Variants in DCUN1D3 observed in about 807,000 individuals in gnomAD.
DCUN1D3 encodes the protein DCN1-like protein 3.
In DCUN1D3, 6 loss-of-function variants were observed where a neutral mutation model predicts 24.8. The ratio of observed to expected loss-of-function variants is 0.24; its 90% CI spans 0.13 to 0.48. The LOEUF is 0.48. DCUN1D3 is among the 20% of genes least tolerant of loss of function. DCUN1D3 has a pLI of 0.99. For synonymous variants in DCUN1D3, 120 were observed against 144.9 expected (o/e 0.83, Z 1.24); for missense variants, 258 against 379.4 (o/e 0.68, Z 2.66).
rs908297306 is a variant in DCUN1D3 at position 20,858,305 on chromosome 16, C to T, written c.*1581G>A. 2.0e-5 allele frequency: 3 copies of T among 152,564 alleles called. No individual in the cohort carries two copies. Among genetic ancestry groups the T allele is most frequent in the Non-Finnish European group, 2.9e-5 (2 of 68,038 alleles). 9.5% of individuals were successfully genotyped at this position (152,564 alleles called of 1,614,324 possible). A position where few individuals can be genotyped will look rare whatever the true frequency, so the allele number is the denominator to read the frequency against. On this transcript the variant is annotated 3_prime_UTR_variant, in exon 3 of 3. Transcript: ENST00000324344. ...AAAGCTGGCCTTTATGGAGCCAGCG[C>T]GTGGAGAAGTCTGGGGAACCGGGGC...
chr16:20,864,952 G>C (rs912260455), intron 1 of DCUN1D3, among the ~76,000 whole-genome samples: 2 of 152,120 alleles, frequency 1.3e-5, no homozygotes, highest in Admixed American at 6.6e-5. Flanking sequence ...TGAATACAAA[G>C]AAGGAAACAA....
chr16:20,870,072 C>T (rs1054777281), intron 1 of DCUN1D3, among the ~76,000 whole-genome samples: 2 of 152,196 alleles, frequency 1.3e-5, no homozygotes, highest in African/African-American at 4.8e-5. Context: ...TCCTCCTGAG[C>T]AATGTGCACT....
intron 1 of DCUN1D3, among the ~76,000 whole-genome samples, chr16:20,865,043 G>A (rs1001999736): frequency 6.6e-6 from 1 of 152,006 alleles, no homozygotes; most frequent in Non-Finnish European, 1.5e-5. Context: ...ACTGGGCTCT[G>A]GACTTAACAC....
intron 1 of DCUN1D3, among the ~76,000 whole-genome samples, chr16:20,879,073 G>A (rs533179525): frequency 6.6e-6 from 1 of 152,176 alleles, no homozygotes; most frequent in African/African-American, 2.4e-5. Flanking sequence ...CAACACCGGT[G>A]ACTTTTCTAG....
chr16:20,877,651 G>C (rs981867619), intron 1 of DCUN1D3, among the ~76,000 whole-genome samples: 3 of 152,156 alleles, frequency 2.0e-5, no homozygotes, highest in Non-Finnish European at 4.4e-5. Flanking sequence ...GAGATGTTTA[G>C]CACTTTCTCA....
At chr16:20,886,654 C>G (rs1035942507) in intron 1 of DCUN1D3, among the ~76,000 whole-genome samples, 3 of 152,226 alleles carry the variant, frequency 2.0e-5, no homozygotes, top group African/African-American at 7.2e-5. Context: ...CACAAACACA[C>G]ACAAAAGTCT....
intron 1 of DCUN1D3, among the ~76,000 whole-genome samples, chr16:20,879,714 G>GATA (rs1199192478): frequency 6.6e-6 from 1 of 152,140 alleles, no homozygotes; most frequent in Non-Finnish European, 1.5e-5. Flanking sequence ...ATACTGTCAT[G>GATA]ATAATAAGAT....
intron 1 of DCUN1D3, among the ~76,000 whole-genome samples, chr16:20,890,613 G>A (rs1293259035): frequency 1.3e-5 from 2 of 151,992 alleles, no homozygotes; most frequent in Non-Finnish European, 2.9e-5. Context: ...TGGGCGACAG[G>A]GCAAGACCCT....
Position 20,859,720 on chromosome 16 carries a change from G to C in DCUN1D3, c.*166C>G. 5.6e-6 allele frequency: 5 copies of C among 898,888 alleles called. No homozygotes were observed. Among genetic ancestry groups the C allele is most frequent in the Non-Finnish European group, 7.8e-6 (5 of 640,738 alleles). 55.7% of individuals were successfully genotyped at this position (898,888 alleles called of 1,614,324 possible). A position where few individuals can be genotyped will look rare whatever the true frequency, so the allele number is the denominator to read the frequency against. On this transcript the variant is annotated 3_prime_UTR_variant, in exon 3 of 3. Transcript: ENST00000324344. ...CAAAATAACCAAAAAAATGAAGAAAGTGCCTAAAACATGATACAGCATTTT... is the reference window on the plus strand; with the variant it reads ...CAAAATAACCAAAAAAATGAAGAAACTGCCTAAAACATGATACAGCATTTT...
At chr16:20,872,936 T>C (rs1296604326) in intron 1 of DCUN1D3, among the ~76,000 whole-genome samples, 1 of 152,074 alleles carries the variant, frequency 6.6e-6, no homozygotes, top group Non-Finnish European at 1.5e-5. Context: ...GCCAACATGG[T>C]GAAACCCCGT....
chr16:20,861,257 C>T (rs1445376720), intron 2 of DCUN1D3, among the ~76,000 whole-genome samples: 8 of 152,194 alleles, frequency 5.3e-5, no homozygotes, highest in African/African-American at 1.9e-4. Flanking sequence ...AGAGGCGTAT[C>T]CCCTCCCCAG....
rs149281300 is a variant in DCUN1D3 at position 20,882,560 on chromosome 16, C to T, written c.-106+17644G>A. 7.7e-3 allele frequency among the ~76,000 whole-genome samples: 1,176 copies of T among 152,274 alleles called. 9 individuals are homozygous for T. The highest frequency in any genetic ancestry group is 0.028 in the African/African-American group (1,145 of 41,554). ...GATTATAGGCGTGAGCCACCATGCC[C>T]GGCCAGCACTGCTATTTTTACAGCA... On this transcript the variant is annotated intron_variant, in intron 1 of 2. Transcript: ENST00000324344.
intron 1 of DCUN1D3, among the ~76,000 whole-genome samples, chr16:20,889,989 G>A (rs200264091): frequency 1.3e-5 from 2 of 152,154 alleles, no homozygotes; most frequent in East Asian, 3.9e-4. Context: ...CCGAAACAAT[G>A]AGGCTGGGAG....
At chr16:20,871,791 G>A (rs2081789650) in intron 1 of DCUN1D3, among the ~76,000 whole-genome samples, 1 of 152,098 alleles carries the variant, frequency 6.6e-6, no homozygotes, top group South Asian at 2.1e-4. Context: ...ATTTTTTGCT[G>A]TCACTATTGA....
chr16:20,897,790 T>C (rs890354152), intron 1 of DCUN1D3, among the ~76,000 whole-genome samples: 1 of 152,148 alleles, frequency 6.6e-6, no homozygotes, highest in Non-Finnish European at 1.5e-5. Flanking sequence ...AGCTTGAAAT[T>C]TATCTGCCAG....
intron 1 of DCUN1D3, among the ~76,000 whole-genome samples, chr16:20,868,000 G>A (rs1186178527): frequency 2.0e-5 from 3 of 152,314 alleles, no homozygotes; most frequent in South Asian, 2.1e-4. Flanking sequence ...TGAATTGCTG[G>A]TTATGCCCAG....
chr16:20,895,252 G>T (rs992894046), intron 1 of DCUN1D3, among the ~76,000 whole-genome samples: 1 of 84,018 alleles, frequency 1.2e-5, no homozygotes, highest in Admixed American at 1.4e-4. Flanking sequence ...GCACCACCAT[G>T]CCTGGCTAAG....
intron 1 of DCUN1D3, among the ~76,000 whole-genome samples, chr16:20,894,191 C>T (rs2152519234): frequency 6.6e-6 from 1 of 152,230 alleles, no homozygotes; most frequent in African/African-American, 2.4e-5. Flanking sequence ...ATCGCTTGAG[C>T]CTGGGAGGTC....
chr16:20,888,487 C>A (rs1329781504), intron 1 of DCUN1D3, among the ~76,000 whole-genome samples: 1 of 152,186 alleles, frequency 6.6e-6, no homozygotes, highest in African/African-American at 2.4e-5. Context: ...TGAGCAGGGT[C>A]TCACTTTGTC....
Sources: gnomAD v4.1 joint callset for allele counts (sites outside exome capture counted in the v4.1 genomes callset) on GRCh38, gnomAD v4.1.1 for gene constraint, MANE v1.5 for transcripts, NCBI Gene and HGNC (gene_info 2026-07-23, HGNC 2026-07-21) for gene names.